RBM19: variants seen among roughly 807,000 people sequenced by gnomAD.
RBM19 encodes the protein RNA binding motif protein 19.
Under a neutral mutation model 116.8 loss-of-function variants are expected in RBM19, and 94 were observed. That is an observed-to-expected ratio of 0.80 (90% CI 0.68 to 0.95). The LOEUF (loss-of-function observed/expected upper bound fraction) is 0.95, where lower values mean the gene tolerates loss of function less well. Ranked by LOEUF, RBM19 falls within the 40% of genes least tolerant of loss-of-function variation. The pLI is 0.00. For synonymous variants in RBM19, 475 were observed against 494.1 expected (o/e 0.96, Z 0.51); for missense variants, 1,161 against 1,220.7 (o/e 0.95, Z 0.73).
chr12:113,936,144 A>G (rs1259687426), intron 16 of RBM19, among the ~76,000 whole-genome samples: 2 of 151,736 alleles, frequency 1.3e-5, no homozygotes, highest in African/African-American at 2.4e-5. Flanking sequence ...CAAAGGAGAG[A>G]GTAGCTGAGG....
Position 113,962,249 on chromosome 12 carries a change from C to T in RBM19, c.202G>A (p.Asp68Asn), listed in dbSNP as rs567178686. 24 of 1,614,236 alleles carry T rather than the reference C, an allele frequency of 1.5e-5. No individual in the cohort carries two copies. Among genetic ancestry groups the T allele is most frequent in the African/African-American group, 6.7e-5 (5 of 75,064 alleles). The change falls in exon 2 of 24, where the codon GAC (aspartate) becomes AAC (asparagine). Residue 68 changes from aspartate (D) to asparagine (N), a missense_variant. By Grantham distance (23) the Asp-to-Asn change is conservative. Transcript: ENST00000261741. ...AQKHFNKSFI[D>N]TSRITVEFCK... is the part of the protein sequence containing the mutation. ...CCACTCACTGTGATCCGGGATGTGT[C>T]GATGAAGCTCTTGTTGAAATGCTTC...
In RBM19 at chr12:113,962,360, A is replaced by G. The variant is rs1389955761; in HGVS notation, c.91T>C (p.Cys31Arg). Reference sequence around the variant, plus strand: ...CCATCTTTGGTGAACTTCAGGCTGCAGTCTGTCAGCGTGCCGAAGGCGGCA... The same window carrying G: ...CCATCTTTGGTGAACTTCAGGCTGCGGTCTGTCAGCGTGCCGAAGGCGGCA... ...LFAAFGTLTDCSLKFTKDGKF... is the reference protein window; with the variant it reads ...LFAAFGTLTDRSLKFTKDGKF... The change falls in exon 2 of 24, where the codon TGC becomes CGC. Residue 31 changes from cysteine to arginine, a missense_variant. Transcript: ENST00000261741. The G allele has an allele frequency of 6.8e-6, 11 of 1,614,244 alleles. No individual in the cohort carries two copies. The highest frequency in any genetic ancestry group is 7.6e-6 in the Non-Finnish European group (9 of 1,180,016).
At chr12:113,886,410 G>A (rs901148193) in intron 21 of RBM19, among the ~76,000 whole-genome samples, 1 of 152,336 alleles carries the variant, frequency 6.6e-6, no homozygotes, top group East Asian at 1.9e-4. Flanking sequence ...TGAGATTAGA[G>A]GTGTAAGCCA....
At chr12:113,909,387 C>T (rs73397048) in intron 21 of RBM19, among the ~76,000 whole-genome samples, 10,672 of 152,090 alleles carry the variant, frequency 0.07, 1,244 homozygotes, top group African/African-American at 0.24. Flanking sequence ...TCCCAAAGTG[C>T]GGGAACAGAC....
intron 23 of RBM19, among the ~76,000 whole-genome samples, chr12:113,836,825 T>TACAC (rs113470925): frequency 0.16 from 16,784 of 105,274 alleles, 2,542 homozygotes; most frequent in Middle Eastern, 0.29. Context: ...ACTACATACA[T>TACAC]ACACACACAC....
chr12:113,901,027 C>T (rs936383938), intron 21 of RBM19, among the ~76,000 whole-genome samples: 7 of 152,156 alleles, frequency 4.6e-5, no homozygotes, highest in Admixed American at 3.9e-4. Context: ...AAGAAAGTTC[C>T]GCACTGGTTT....
At chr12:113,832,856 C>T (rs1875548295) in intron 23 of RBM19, among the ~76,000 whole-genome samples, 1 of 152,148 alleles carries the variant, frequency 6.6e-6, no homozygotes, top group Non-Finnish European at 1.5e-5. Flanking sequence ...TTTTCATGGG[C>T]AAGATCAAGG....
chr12:113,950,058 G>A (rs768888555), intron 9 of RBM19, 25 bp downstream of exon 9: 2 of 1,560,634 alleles, frequency 1.3e-6, no homozygotes, highest in East Asian at 2.2e-5. Flanking sequence ...AACACAGAGA[G>A]AGCACATGGC....
At chr12:113,931,521 C>T (rs915317938) in intron 16 of RBM19, among the ~76,000 whole-genome samples, 2 of 152,068 alleles carry the variant, frequency 1.3e-5, no homozygotes, top group East Asian at 3.9e-4. Context: ...GCTCTGTTAC[C>T]CCTCACCTCA....
At chr12:113,827,383 C>A (rs1044346057) in intron 23 of RBM19, among the ~76,000 whole-genome samples, 2 of 152,146 alleles carry the variant, frequency 1.3e-5, no homozygotes, top group Non-Finnish European at 2.9e-5. Flanking sequence ...GGAGTTCCCA[C>A]CTAATGATTT....
intron 22 of RBM19, among the ~76,000 whole-genome samples, chr12:113,854,302 T>C (rs1446412664): frequency 1.3e-5 from 2 of 152,196 alleles, no homozygotes; most frequent in African/African-American, 4.8e-5. Context: ...CTCAAAGATA[T>C]TGCCCTTTTA....
chr12:113,844,607 C>T (rs2135717403), intron 23 of RBM19, 61 bp downstream of exon 23: 1 of 1,548,720 alleles, frequency 6.5e-7, no homozygotes, highest in Non-Finnish European at 8.7e-7. Context: ...AGATGTCCCA[C>T]CCACCTCTTG....
chr12:113,946,035 C>T, intron 12 of RBM19, 111 bp from the exon 13 acceptor site: 2 of 975,050 alleles, frequency 2.1e-6, no homozygotes, highest in Non-Finnish European at 3.1e-6. Context: ...TATCTACATG[C>T]CCCCAATTTC....
In RBM19 at chr12:113,948,898, A is replaced by ATTCG; in HGVS notation, c.1210_1211insCGAA (p.Leu404ProfsTer28). ...GGTGTAGGGCAGGTTCCGTACAAAG[A>ATTCG]GCCTTCCGGATTCGGCCAGGTCCTC... On this transcript the variant is annotated frameshift_variant, in exon 10 of 24. Coordinates refer to ENST00000261741, the MANE Select transcript of RBM19 (RefSeq NM_016196.4). LOFTEE classifies it high-confidence loss of function. 4 of 1,614,156 alleles carry ATTCG rather than the reference A, an allele frequency of 2.5e-6. No homozygotes were observed. Among genetic ancestry groups the ATTCG allele is most frequent in the Non-Finnish European group, 3.4e-6 (4 of 1,180,020 alleles).
chr12:113,926,469 AC>A (rs944652244), intron 17 of RBM19, among the ~76,000 whole-genome samples: 15 of 152,106 alleles, frequency 9.9e-5, no homozygotes, highest in African/African-American at 3.6e-4. Context: ...GACCTTGCAG[AC>A]CCCACTCCTT....
At chr12:113,916,683 C>T (rs1882795077) in intron 20 of RBM19, among the ~76,000 whole-genome samples, 1 of 152,184 alleles carries the variant, frequency 6.6e-6, no homozygotes, top group African/African-American at 2.4e-5. Flanking sequence ...TGGGGACACT[C>T]AAGCGGTCCC....
chr12:113,931,381 A>G (rs946714467), intron 16 of RBM19, among the ~76,000 whole-genome samples: 2 of 152,192 alleles, frequency 1.3e-5, no homozygotes, highest in African/African-American at 2.4e-5. Context: ...TCCCAGGTCC[A>G]TGAGCTGTGG....
At chr12:113,942,078 C>T (rs79059966) in intron 14 of RBM19, among the ~76,000 whole-genome samples, 1 of 152,118 alleles carries the variant, frequency 6.6e-6, no homozygotes, top group African/African-American at 2.4e-5. Context: ...GGGTGCCGAT[C>T]TGTGTGGGGG....
chr12:113,935,186 T>C (rs1301608134), intron 16 of RBM19, among the ~76,000 whole-genome samples: 1 of 152,182 alleles, frequency 6.6e-6, no homozygotes, highest in Non-Finnish European at 1.5e-5. Context: ...AGCCACCACG[T>C]GTCCCCAGCC....
Sources: gnomAD v4.1 joint callset for allele counts (sites outside exome capture counted in the v4.1 genomes callset) on GRCh38, gnomAD v4.1.1 for gene constraint, MANE v1.5 for transcripts, NCBI Gene and HGNC (gene_info 2026-07-23, HGNC 2026-07-21) for gene names.